TASP1: variants seen among roughly 807,000 people sequenced by gnomAD.
TASP1 encodes the protein taspase 1, also known as threonine aspartase 1.
In TASP1, 16 loss-of-function variants were observed where a neutral mutation model predicts 56.6. The observed-to-expected ratio is 0.28, with a 90% CI of 0.19 to 0.43. TASP1 has a LOEUF of 0.43. Ranked by LOEUF, TASP1 falls within the 20% of genes least tolerant of loss-of-function variation. TASP1 has a pLI of 1.00. For missense variants in TASP1, 393 were observed against 511.6 expected (o/e 0.77, Z 2.24); for synonymous variants, 179 against 184.2 (o/e 0.97, Z 0.23).
At chr20:13,506,016 A>G (rs1211536776) in intron 10 of TASP1, among the ~76,000 whole-genome samples, 4 of 152,062 alleles carry the variant, frequency 2.6e-5, no homozygotes, top group Non-Finnish European at 4.4e-5. Flanking sequence ...AGCTAGACTA[A>G]GAATAAAAGA....
At chr20:13,332,525 T>C in the TASP1 span, among the ~76,000 whole-genome samples, 32 of 152,298 alleles carry the variant, frequency 2.1e-4, no homozygotes, top group Admixed American at 2.0e-3. Context: ...AATTAAAAAA[T>C]TTGGATCTAT....
At chr20:13,287,263 A>G in the TASP1 span, among the ~76,000 whole-genome samples, 1 of 152,336 alleles carries the variant, frequency 6.6e-6, no homozygotes, top group South Asian at 2.1e-4. Context: ...GCAAAGGGAC[A>G]TCTTACATGG....
At chr20:13,481,260 C>CT (rs1465672858) in intron 11 of TASP1, among the ~76,000 whole-genome samples, 1 of 152,074 alleles carries the variant, frequency 6.6e-6, no homozygotes, top group Non-Finnish European at 1.5e-5. Flanking sequence ...AGATCTCATT[C>CT]TTTTTTATGT....
the TASP1 span, among the ~76,000 whole-genome samples, chr20:13,227,242 C>A: frequency 6.6e-6 from 1 of 152,176 alleles, no homozygotes; most frequent in South Asian, 2.1e-4. Context: ...CTCACTCTAT[C>A]TCCCAGGCTG....
chr20:13,185,186 T>C, the TASP1 span, among the ~76,000 whole-genome samples: 1 of 152,138 alleles, frequency 6.6e-6, no homozygotes, highest in African/African-American at 2.4e-5. Flanking sequence ...AAATCCATAA[T>C]AAAGCACCAT....
the TASP1 span, among the ~76,000 whole-genome samples, chr20:13,334,639 T>C: frequency 6.6e-6 from 1 of 152,202 alleles, no homozygotes; most frequent in Admixed American, 6.5e-5. Flanking sequence ...AAATTTACTA[T>C]TTTTCTAGAC....
chr20:13,114,916 C>T, the TASP1 span, among the ~76,000 whole-genome samples: 2 of 152,082 alleles, frequency 1.3e-5, no homozygotes, highest in Non-Finnish European at 2.9e-5. Context: ...TTAGCTAAGA[C>T]ATTATGTAAT....
At chr20:13,184,201 C>A in the TASP1 span, among the ~76,000 whole-genome samples, 129 of 152,020 alleles carry the variant, frequency 8.5e-4, 1 homozygote, top group Non-Finnish European at 1.2e-3. Context: ...GTGACAGTAA[C>A]CTCATAAAGG....
chr20:13,339,810 T>C, the TASP1 span, among the ~76,000 whole-genome samples: 26,084 of 151,864 alleles, frequency 0.17, 3,052 homozygotes, highest in African/African-American at 0.33. Flanking sequence ...CCAGGGATTA[T>C]GTATGTAACC....
intron 10 of TASP1, among the ~76,000 whole-genome samples, chr20:13,494,676 A>G (rs2043656321): frequency 6.6e-6 from 1 of 152,138 alleles, no homozygotes; most frequent in Non-Finnish European, 1.5e-5. Flanking sequence ...CATAACAGTC[A>G]CTGCAGAAAC....
intron 4 of TASP1, among the ~76,000 whole-genome samples, chr20:13,587,610 C>T (rs1215368639): frequency 6.6e-6 from 1 of 150,934 alleles, no homozygotes; most frequent in African/African-American, 2.4e-5. Context: ...ACAAATCCAG[C>T]AAAATATAAA....
chr20:13,143,451 T>A, the TASP1 span, among the ~76,000 whole-genome samples: 1 of 152,214 alleles, frequency 6.6e-6, no homozygotes, highest in Non-Finnish European at 1.5e-5. Context: ...ATTATTATTA[T>A]CCTTGTCATG....
At chr20:13,261,994 G>A in the TASP1 span, among the ~76,000 whole-genome samples, 7 of 152,276 alleles carry the variant, frequency 4.6e-5, no homozygotes, top group African/African-American at 1.4e-4. Context: ...TGTCCTGTTC[G>A]ACACCCGTTC....
intron 11 of TASP1, among the ~76,000 whole-genome samples, chr20:13,449,715 T>C (rs966814604): frequency 2.0e-5 from 3 of 152,146 alleles, no homozygotes; most frequent in African/African-American, 7.2e-5. Context: ...TACATAATTA[T>C]AAATGCATAC....
the TASP1 span, among the ~76,000 whole-genome samples, chr20:13,360,922 T>C: frequency 1.3e-5 from 2 of 152,332 alleles, no homozygotes; most frequent in Middle Eastern, 6.8e-3. Context: ...CAGATCACGC[T>C]TGATTTATTG....
the TASP1 span, among the ~76,000 whole-genome samples, chr20:13,249,558 C>T: frequency 7.6e-4 from 115 of 152,298 alleles, 1 homozygote; most frequent in African/African-American, 2.6e-3. Flanking sequence ...GGAAAATAAA[C>T]GAGCTTTCAT....
At chr20:13,513,461 G>A (rs1312196819) in intron 10 of TASP1, among the ~76,000 whole-genome samples, 1 of 152,038 alleles carries the variant, frequency 6.6e-6, no homozygotes, top group Non-Finnish European at 1.5e-5. Flanking sequence ...GACAGAGAGG[G>A]AGAATGGCTG....
chr20:13,112,474 C>G, the TASP1 span, among the ~76,000 whole-genome samples: 1 of 152,172 alleles, frequency 6.6e-6, no homozygotes, highest in African/African-American at 2.4e-5. Context: ...CATCATGAGG[C>G]CAGCCCCGAT....
the TASP1 span, among the ~76,000 whole-genome samples, chr20:13,190,161 G>A: frequency 2.0e-5 from 3 of 152,122 alleles, no homozygotes; most frequent in African/African-American, 4.8e-5. Context: ...AGAGGGTAGG[G>A]AGCAAGGGTT....
Sources: allele counts gnomAD v4.1 joint callset (sites outside exome capture counted in the v4.1 genomes callset), GRCh38; gene constraint gnomAD v4.1.1; transcripts MANE v1.5; gene names NCBI Gene and HGNC (gene_info 2026-07-23, HGNC 2026-07-21).